Variants in RBM33 observed in about 807,000 individuals in gnomAD.
RBM33 encodes the protein RNA-binding protein 33.
In RBM33, 28 loss-of-function variants were observed where a neutral mutation model predicts 132.6. The observed-to-expected ratio is 0.21, with a 90% CI of 0.16 to 0.29. The LOEUF (loss-of-function observed/expected upper bound fraction) is 0.29, where lower values mean the gene tolerates loss of function less well. Among genes scored for constraint, RBM33 ranks in the 10% least tolerant of loss-of-function variants. The probability of loss-of-function intolerance (pLI) is 1.00; values close to 1 mark genes in which losing one functional copy is unlikely to be tolerated. For missense variants in RBM33, 1,291 were observed against 1,518.5 expected, an observed-to-expected ratio of 0.85 and a Z score of 2.49; for synonymous variants, 634 against 593.0, an observed-to-expected ratio of 1.07 and a Z score of -1.01.
intron 9 of RBM33, among the ~76,000 whole-genome samples, chr7:155,728,954 A>G (rs1800874666): frequency 6.6e-6 from 1 of 152,242 alleles, no homozygotes; most frequent in African/African-American, 2.4e-5. Context: ...GGATTAAATG[A>G]GACAGCATGT....
At chr7:155,691,438 G>A (rs1799637876) in intron 5 of RBM33, among the ~76,000 whole-genome samples, 2 of 152,006 alleles carry the variant, frequency 1.3e-5, no homozygotes, top group Admixed American at 1.3e-4. Context: ...TTGGATGTTT[G>A]TGGTATTTTG....
intron 5 of RBM33, among the ~76,000 whole-genome samples, chr7:155,682,681 G>C (rs1242319650): frequency 6.6e-6 from 1 of 152,154 alleles, no homozygotes; most frequent in Non-Finnish European, 1.5e-5. Context: ...CCCTGCCTGT[G>C]AACTTAGTAC....
At chr7:155,767,482 G>C (rs1802264274) in intron 16 of RBM33, among the ~76,000 whole-genome samples, 1 of 152,248 alleles carries the variant, frequency 6.6e-6, no homozygotes, top group African/African-American at 2.4e-5. Context: ...ATCTCTTACA[G>C]CCTCTAGCTT....
chr7:155,764,189 C>T (rs1276517184), intron 15 of RBM33, among the ~76,000 whole-genome samples, 171 bp downstream of exon 15: 1 of 152,196 alleles, frequency 6.6e-6, no homozygotes, highest in Non-Finnish European at 1.5e-5. Flanking sequence ...TTCACCAAAG[C>T]CTTTTCCTCT....
intron 15 of RBM33, 113 bp from the exon 16 acceptor site, chr7:155,766,354 A>G (rs1456371533): frequency 3.5e-6 from 4 of 1,158,726 alleles, no homozygotes; most frequent in Non-Finnish European, 4.8e-6. Flanking sequence ...AAAATCCTGT[A>G]GCTCATGGTA....
intron 9 of RBM33, among the ~76,000 whole-genome samples, chr7:155,718,950 T>TTC (rs531813626): frequency 0.062 from 9,316 of 151,148 alleles, 336 homozygotes; most frequent in Middle Eastern, 0.11. Flanking sequence ...AAAGCATATA[T>TTC]TCTCTCTCTC....
chr7:155,755,516 G>T (rs1331112990), intron 14 of RBM33, among the ~76,000 whole-genome samples: 1 of 152,236 alleles, frequency 6.6e-6, no homozygotes, highest in Non-Finnish European at 1.5e-5. Context: ...ATACAAGTTA[G>T]CAGGGCCACA....
chr7:155,696,962 A>G (rs1317791083), intron 5 of RBM33, among the ~76,000 whole-genome samples: 5 of 152,194 alleles, frequency 3.3e-5, no homozygotes, highest in Non-Finnish European at 5.9e-5. Context: ...GATTTTGGAA[A>G]GAACACTATG....
rs1031828229 is a variant in RBM33, at chr7:155,707,441, G to A, written c.948+373G>A. On this transcript the variant is annotated intron_variant, in intron 7 of 17. Transcript: ENST00000401878. ...TACAGATAGAATTTAGGCAGAAGTT[G>A]TTTATTTTATAAAAATATCTTTACC... The A allele has an allele frequency of 4.3e-5, 16 of 376,428 alleles. 1 individual carries two copies. Among genetic ancestry groups the A allele is most frequent in the South Asian group, 3.4e-4 (16 of 47,726 alleles). The allele number at this position is 376,428 out of a possible 1,614,324, so 23.3% of individuals were successfully genotyped here.
At chr7:155,749,926 G>A (rs1470555488) in intron 14 of RBM33, among the ~76,000 whole-genome samples, 1 of 152,190 alleles carries the variant, frequency 6.6e-6, no homozygotes, top group Non-Finnish European at 1.5e-5. Context: ...AAACTTTGAA[G>A]GGAAATATTA....
In RBM33 at chr7:155,775,105, C is replaced by A; in HGVS notation, c.*64C>A. 7.0e-7 allele frequency: 1 copy of A among 1,435,472 alleles called. No individual in the cohort carries two copies. The highest frequency in any genetic ancestry group is 9.8e-7 in the Non-Finnish European group (1 of 1,017,336). 88.9% of individuals were successfully genotyped at this position (1,435,472 alleles called of 1,614,324 possible). A position where few individuals can be genotyped will look rare whatever the true frequency, so the allele number is the denominator to read the frequency against. ...CTGTGGAATTTCTTCAAGGGAGCTG[C>A]CGGCCGGCGCAGAACCCCCAGGAGC... On this transcript the variant is annotated 3_prime_UTR_variant, in exon 18 of 18. Transcript: ENST00000401878.
intron 5 of RBM33, among the ~76,000 whole-genome samples, chr7:155,685,814 G>C (rs1799461642): frequency 6.6e-6 from 1 of 152,156 alleles, no homozygotes; most frequent in Admixed American, 6.5e-5. Context: ...TCTTAATACA[G>C]TTTTCATCTT....
Position 155,738,389 on chromosome 7 carries a change from C to G in RBM33, c.1723C>G (p.Gln575Glu), listed in dbSNP as rs753687329. The G allele has an allele frequency of 1.1e-5, 18 of 1,612,126 alleles. No individual in the cohort carries two copies. Among genetic ancestry groups the G allele is most frequent in the Non-Finnish European group, 1.5e-5 (18 of 1,178,494 alleles). Residue 575 changes from glutamine (Q) to glutamate (E), a missense_variant, in exon 11 of 18, where the codon CAG becomes GAG. Around this residue, in one of 7 missense-constraint regions of RBM33, gnomAD observed 841 missense variants for 912.0 expected, o/e 0.92. Transcript: ENST00000401878. ...ACAGCCGTTTCTGCCCACACACACA[C>G]AGCCCAACCTGCAGGTAATGCATCC... is the stretch of plus-strand genomic sequence containing the variant. Reference protein sequence around the residue: ...PGQPFLPTHTQPNLQGPLHPP... With the variant: ...PGQPFLPTHTEPNLQGPLHPP...
At chr7:155,738,707 A>G (rs1439347381) in intron 11 of RBM33, 1 of 317,810 alleles carries the variant, frequency 3.1e-6, no homozygotes, top group Non-Finnish European at 5.8e-6. Context: ...GCTCATCTGT[A>G]TAAAATTTCA....
intron 1 of RBM33, among the ~76,000 whole-genome samples, chr7:155,660,894 C>T (rs1257882632): frequency 6.6e-6 from 1 of 151,830 alleles, no homozygotes; most frequent in Non-Finnish European, 1.5e-5. Context: ...TCCTGATGGC[C>T]CCACATTTCT....
At chr7:155,719,565 T>A (rs1027785606) in intron 9 of RBM33, among the ~76,000 whole-genome samples, 8 of 152,196 alleles carry the variant, frequency 5.3e-5, no homozygotes, top group Admixed American at 5.2e-4. Context: ...GTTCTAAAAA[T>A]TAGTTGTTTT....
intron 7 of RBM33, chr7:155,707,402 T>C: frequency 2.1e-6 from 1 of 466,466 alleles, no homozygotes; most frequent in Non-Finnish European, 4.3e-6. Flanking sequence ...TGCATTACAT[T>C]TGAGAGATGT....
intron 4 of RBM33, among the ~76,000 whole-genome samples, chr7:155,680,339 G>T (rs566975764): frequency 9.2e-5 from 14 of 152,112 alleles, no homozygotes; most frequent in East Asian, 3.8e-4. Context: ...TAAGTAGAGG[G>T]GCTATATGCA....
chr7:155,675,514 C>G (rs1039821229), intron 3 of RBM33, among the ~76,000 whole-genome samples: 1 of 151,856 alleles, frequency 6.6e-6, no homozygotes, highest in Non-Finnish European at 1.5e-5. Flanking sequence ...TTTTTTTAAA[C>G]CCTTTTTGTG....
Sources: allele counts gnomAD v4.1 joint callset (sites outside exome capture counted in the v4.1 genomes callset), GRCh38; gene constraint gnomAD v4.1.1; regional missense constraint gnomAD v4.1.1; transcripts MANE v1.5; gene names NCBI Gene and HGNC (gene_info 2026-07-23, HGNC 2026-07-21).